The following TTC27 variants were observed in gnomAD, a reference collection of about 807,000 sequenced individuals.
The protein encoded by TTC27 is tetratricopeptide repeat protein 27.
In TTC27, 79 loss-of-function variants were observed where a neutral mutation model predicts 115.9. The observed-to-expected ratio is 0.68, with a 90% confidence interval of 0.57 to 0.82. The LOEUF is 0.82. Among genes scored for constraint, TTC27 ranks in the 40% least tolerant of loss-of-function variants. TTC27 has a pLI of 0.00. For missense variants in TTC27, 1,054 were observed against 993.1 expected, an observed-to-expected ratio of 1.06 and a Z score of -0.82; for synonymous variants, 401 against 356.0, an observed-to-expected ratio of 1.13 and a Z score of -1.42.
At chr2:32,804,392 C>T (rs1671060560) in intron 16 of TTC27, among the ~76,000 whole-genome samples, 1 of 152,024 alleles carries the variant, frequency 6.6e-6, no homozygotes, top group Admixed American at 6.5e-5. Context: ...TCTTTAGGCA[C>T]AAAGATATGC....
chr2:32,766,879 G>A (rs569434281), intron 13 of TTC27, among the ~76,000 whole-genome samples: 5 of 152,164 alleles, frequency 3.3e-5, no homozygotes, highest in East Asian at 1.9e-4. Flanking sequence ...TTCATCTCCC[G>A]GGTTCAAGCA....
At chr2:32,658,914 C>T (rs1304319161) in intron 5 of TTC27, among the ~76,000 whole-genome samples, 1 of 152,032 alleles carries the variant, frequency 6.6e-6, no homozygotes, top group Admixed American at 6.6e-5. Context: ...TTCACTTATT[C>T]CTTATTTGAT....
intron 9 of TTC27, among the ~76,000 whole-genome samples, chr2:32,684,690 C>T (rs1227597097): frequency 6.6e-6 from 1 of 151,864 alleles, no homozygotes; most frequent in Non-Finnish European, 1.5e-5. Context: ...CATTTTTCTT[C>T]TAGGGAATTA....
chr2:32,684,338 G>A (rs1171100534), intron 9 of TTC27, among the ~76,000 whole-genome samples: 2 of 151,790 alleles, frequency 1.3e-5, no homozygotes. Flanking sequence ...TGGACATTTG[G>A]GTTGGTTCCA....
chr2:32,755,454 G>A (rs550974972), intron 12 of TTC27, among the ~76,000 whole-genome samples: 6 of 152,332 alleles, frequency 3.9e-5, no homozygotes, highest in East Asian at 1.9e-4. Flanking sequence ...GTGGCAGCGC[G>A]TGCCTGCAAT....
chr2:32,748,823 G>A (rs1281872027), intron 12 of TTC27, among the ~76,000 whole-genome samples: 2 of 151,948 alleles, frequency 1.3e-5, no homozygotes, highest in Non-Finnish European at 2.9e-5. Context: ...GGGTAGCTGG[G>A]ATTACAGGTT....
chr2:32,734,633 AATT>A (rs1668394544), intron 11 of TTC27, among the ~76,000 whole-genome samples: 2 of 151,984 alleles, frequency 1.3e-5, no homozygotes, highest in African/African-American at 4.8e-5. Context: ...TATTTTGTAA[AATT>A]TTAGCACTGA....
chr2:32,732,022 T>G (rs1668308641), intron 10 of TTC27, among the ~76,000 whole-genome samples: 1 of 149,582 alleles, frequency 6.7e-6, no homozygotes, highest in African/African-American at 2.5e-5. Flanking sequence ...TTGCTTTTGT[T>G]TTTATTATTA....
chr2:32,663,641 TATG>T (rs568394223), intron 5 of TTC27, among the ~76,000 whole-genome samples: 2,269 of 18,014 alleles, frequency 0.13, 47 homozygotes, highest in African/African-American at 0.22. Context: ...CCTATTTATG[TATG>T]TATGTATGTA....
intron 18 of TTC27, 143 bp from the exon 19 acceptor site, chr2:32,817,313 CT>C (rs963508802): frequency 3.2e-6 from 2 of 619,112 alleles, no homozygotes; most frequent in Non-Finnish European, 5.6e-6. Flanking sequence ...AATTATTATT[CT>C]TTTTCAACAA....
intron 9 of TTC27, among the ~76,000 whole-genome samples, chr2:32,681,525 G>T (rs1017359172): frequency 6.6e-6 from 1 of 151,986 alleles, no homozygotes; most frequent in African/African-American, 2.4e-5. Context: ...AAAGTTTGGC[G>T]ATTTTTTGAA....
chr2:32,757,452 G>C (rs1236506279), intron 12 of TTC27, among the ~76,000 whole-genome samples: 1 of 152,088 alleles, frequency 6.6e-6, no homozygotes, highest in Non-Finnish European at 1.5e-5. Context: ...TTGCACCTTA[G>C]AGACATACCT....
At chr2:32,758,253 A>G (rs764178594) in intron 12 of TTC27, 39 bp from the exon 13 acceptor site, 6 of 1,574,692 alleles carry the variant, frequency 3.8e-6, no homozygotes, top group African/African-American at 2.7e-5. Flanking sequence ...ATAGCAGTTA[A>G]TCACTCTTAA....
At chr2:32,670,568 C>G (rs576496202) in intron 7 of TTC27, among the ~76,000 whole-genome samples, 3 of 151,800 alleles carry the variant, frequency 2.0e-5, no homozygotes, top group Non-Finnish European at 2.9e-5. Flanking sequence ...ATAAACCTGC[C>G]TAGAAAATAT....
chr2:32,720,903 A>G (rs145032392), intron 10 of TTC27, among the ~76,000 whole-genome samples: 97 of 152,296 alleles, frequency 6.4e-4, no homozygotes, highest in Non-Finnish European at 1.0e-3. Context: ...TATCTTCTTC[A>G]CAGAAGTAAG....
At chr2:32,788,852 T>C (rs548201685) in intron 16 of TTC27, among the ~76,000 whole-genome samples, 2 of 151,878 alleles carry the variant, frequency 1.3e-5, no homozygotes, top group East Asian at 3.9e-4. Flanking sequence ...GTGGCTTTTC[T>C]ATTTGCTCTT....
intron 9 of TTC27, among the ~76,000 whole-genome samples, chr2:32,682,847 G>GTTTTTT (rs70938360): frequency 2.0e-4 from 10 of 49,784 alleles, no homozygotes; most frequent in African/African-American, 6.0e-4. Context: ...TTTTATTGTT[G>GTTTTTT]TTTTTTTTTT....
At position 32,713,963 on chromosome 2, in the gene TTC27, T is replaced by C. The variant is rs1016390722; in HGVS notation, c.1233+11043T>C. On this transcript the variant is annotated intron_variant, in intron 10 of 19. Transcript: ENST00000317907. ...GGCCTCAATGTCTGTTGTTCCCTTCTTTGTATCCATGTGTATCCAACATTT... is the reference window on the plus strand; with the variant it reads ...GGCCTCAATGTCTGTTGTTCCCTTCCTTGTATCCATGTGTATCCAACATTT... Among the ~76,000 whole-genome samples the C allele has an allele frequency of 3.6e-4, 55 of 152,150 alleles. 2 individuals are homozygous for C. The highest frequency in any genetic ancestry group is 1.3e-3 in the African/African-American group (53 of 41,436).
intron 13 of TTC27, among the ~76,000 whole-genome samples, chr2:32,761,207 C>T (rs1309448924): frequency 6.6e-6 from 1 of 152,178 alleles, no homozygotes; most frequent in Non-Finnish European, 1.5e-5. Flanking sequence ...CCCCATCCAA[C>T]CTTGGAGTCA....
Sources: allele counts gnomAD v4.1 joint callset (sites outside exome capture counted in the v4.1 genomes callset), GRCh38; gene constraint gnomAD v4.1.1; transcripts MANE v1.5; gene names NCBI Gene and HGNC (gene_info 2026-07-23, HGNC 2026-07-21).